KLHL32: variants seen among roughly 807,000 people sequenced by gnomAD.
The protein encoded by KLHL32 is kelch like family member 32, also known as kelch-like protein 32.
KLHL32 carries 35 observed loss-of-function variants against 64.8 expected under a neutral mutation model. The ratio of observed to expected loss-of-function variants is 0.54; its 90% CI spans 0.41 to 0.72. The LOEUF (loss-of-function observed/expected upper bound fraction) is 0.72, where lower values mean the gene tolerates loss of function less well. Ranked by LOEUF, KLHL32 falls within the 30% of genes least tolerant of loss-of-function variation. The probability of loss-of-function intolerance (pLI) is 0.00; values close to 1 mark genes in which losing one functional copy is unlikely to be tolerated. For missense variants in KLHL32, 589 were observed against 768.5 expected (o/e 0.77, Z 2.76); for synonymous variants, 259 against 281.0 (o/e 0.92, Z 0.78).
intron 4 of KLHL32, among the ~76,000 whole-genome samples, chr6:97,053,196 C>G (rs916124999): frequency 3.3e-5 from 5 of 151,944 alleles, no homozygotes; most frequent in Admixed American, 6.6e-5. Context: ...TGTATTGATG[C>G]CTCAGATCCT....
chr6:96,905,824 G>A, the KLHL32 span, among the ~76,000 whole-genome samples: 1 of 152,076 alleles, frequency 6.6e-6, no homozygotes, highest in Non-Finnish European at 1.5e-5. Flanking sequence ...ACACATTATT[G>A]CAATACTCTG....
At chr6:96,919,832 C>T (rs1003236681), upstream of KLHL32, among the ~76,000 whole-genome samples, 1 of 152,218 alleles carries the variant, frequency 6.6e-6, no homozygotes, top group African/African-American at 2.4e-5. Context: ...ATATTTCTAG[C>T]TATAACTGAT....
chr6:97,136,721 C>T (rs978300411), intron 10 of KLHL32, among the ~76,000 whole-genome samples: 7 of 152,222 alleles, frequency 4.6e-5, no homozygotes, highest in South Asian at 4.1e-4. Context: ...CTCTCCCAAA[C>T]GCCTTCTTTC....
In KLHL32 at chr6:97,085,204, A is replaced by G. The variant is rs1257091683; in HGVS notation, c.490A>G (p.Ile164Val). Residue 164 changes from isoleucine to valine, a missense_variant, in exon 6 of 11, where the codon ATC becomes GTC. Physicochemically the swap from Ile to Val is conservative, Grantham distance 29. Around this residue, in one of 3 missense-constraint regions of KLHL32, gnomAD observed 191 missense variants for 223.3 expected, o/e 0.86. Coordinates refer to ENST00000369261, the MANE Select transcript of KLHL32 (RefSeq NM_052904.4). ...CCTCACTTTGTTGGAGAAGGCAGTG[A>G]TCGATTTCTTAGTGAAACATCTCTC... ...FNLTLLEKAV[I>V]DFLVKHLSEL... is the part of the protein sequence containing the mutation. 1.2e-6 allele frequency: 2 copies of G among 1,614,036 alleles called. No homozygotes were observed. The highest frequency in any genetic ancestry group is 1.7e-6 in the Non-Finnish European group (2 of 1,180,014).
chr6:97,085,076 C>T (rs1415163156), intron 5 of KLHL32, 50 bp from the exon 6 acceptor site: 11 of 1,529,036 alleles, frequency 7.2e-6, no homozygotes, highest in African/African-American at 2.7e-5. Context: ...TGCTCTTTCT[C>T]GGATTTATTT....
chr6:97,054,304 A>G (rs1029634775), intron 4 of KLHL32, among the ~76,000 whole-genome samples: 2 of 152,338 alleles, frequency 1.3e-5, no homozygotes, highest in East Asian at 1.9e-4. Context: ...TGTATACTTC[A>G]TAAAAACCAT....
chr6:96,965,696 A>G (rs945988099), intron 1 of KLHL32, among the ~76,000 whole-genome samples: 3 of 152,194 alleles, frequency 2.0e-5, no homozygotes, highest in Non-Finnish European at 4.4e-5. Flanking sequence ...CTGTAGCAAC[A>G]TTAGGTTGCT....
At chr6:96,909,712 T>G in the KLHL32 span, among the ~76,000 whole-genome samples, 1 of 152,152 alleles carries the variant, frequency 6.6e-6, no homozygotes, top group South Asian at 2.1e-4. Flanking sequence ...TTATTTCCAG[T>G]CCAACATTTG....
At chr6:96,983,613 G>A (rs563909087) in intron 3 of KLHL32, among the ~76,000 whole-genome samples, 1 of 152,360 alleles carries the variant, frequency 6.6e-6, no homozygotes, top group East Asian at 1.9e-4. Context: ...GTCTTGGGAG[G>A]GTGTATGTGT....
At chr6:96,930,741 A>G (rs1411530786) in intron 1 of KLHL32, among the ~76,000 whole-genome samples, 1 of 152,034 alleles carries the variant, frequency 6.6e-6, no homozygotes, top group Admixed American at 6.6e-5. Flanking sequence ...AGAGGGATGC[A>G]TAGCTTGGAC....
chr6:97,023,696 C>G (rs1353830854), intron 3 of KLHL32, among the ~76,000 whole-genome samples: 1 of 152,222 alleles, frequency 6.6e-6, no homozygotes, highest in Non-Finnish European at 1.5e-5. Context: ...AGGCTTTTCA[C>G]TGTTTTCTCA....
rs200346147 is a variant in KLHL32 at position 97,043,977 on chromosome 6, G to GT, written c.312+2379dup. ...GCTTTAACTATTCGAGTTCTCAGTT[G>GT]TATTTTTTTTTTCTTGTCTAATTTC... On this transcript the variant is annotated intron_variant, in intron 4 of 10. Coordinates refer to ENST00000369261, the MANE Select transcript of KLHL32 (RefSeq NM_052904.4). Among the ~76,000 whole-genome samples, 230 of 151,596 alleles carry GT rather than the reference G, an allele frequency of 1.5e-3. 1 individual carries two copies. The East Asian group carries it at 0.038, about 25-fold the overall frequency.
At chr6:96,993,715 A>G (rs1345893879) in intron 3 of KLHL32, among the ~76,000 whole-genome samples, 2 of 152,204 alleles carry the variant, frequency 1.3e-5, no homozygotes, top group African/African-American at 4.8e-5. Context: ...GGTAGAAGAC[A>G]TAAGACTCCT....
chr6:96,910,887 G>T, the KLHL32 span, among the ~76,000 whole-genome samples: 1 of 152,036 alleles, frequency 6.6e-6, no homozygotes, highest in Non-Finnish European at 1.5e-5. Context: ...ATAATTAATT[G>T]CCAATTTTAT....
At chr6:97,000,938 T>G (rs1000547547) in intron 3 of KLHL32, among the ~76,000 whole-genome samples, 15 of 152,312 alleles carry the variant, frequency 9.8e-5, no homozygotes, top group South Asian at 2.1e-4. Context: ...CTAAAAAGAC[T>G]ATCTATTCTA....
At chr6:97,086,274 CA>C (rs1259730580) in intron 6 of KLHL32, among the ~76,000 whole-genome samples, 1 of 152,164 alleles carries the variant, frequency 6.6e-6, no homozygotes, top group African/African-American at 2.4e-5. Flanking sequence ...TAATTCTGGC[CA>C]AAATTGTCAT....
chr6:96,990,085 C>T (rs1024418679), intron 3 of KLHL32, among the ~76,000 whole-genome samples: 3 of 152,190 alleles, frequency 2.0e-5, no homozygotes, highest in African/African-American at 7.2e-5. Flanking sequence ...AATTCTCTGT[C>T]TGTCATTTCA....
rs966263392 is a variant in KLHL32 at position 97,020,639 on chromosome 6, A to G, written c.205-20853A>G. Among the ~76,000 whole-genome samples, 3 of 151,016 alleles carry G rather than the reference A, an allele frequency of 2.0e-5. 1 individual carries two copies. The highest frequency in any genetic ancestry group is 2.0e-4 in the Admixed American group (3 of 15,264). On this transcript the variant is annotated intron_variant, in intron 3 of 10. Coordinates refer to ENST00000369261, the MANE Select transcript of KLHL32 (RefSeq NM_052904.4). ...ATAAGACTAGCATAATGAGAACCAT[A>G]TCTCAATATAGATACAAAAATTATA...
chr6:97,063,060 C>G (rs1789164644), intron 4 of KLHL32, among the ~76,000 whole-genome samples: 1 of 152,102 alleles, frequency 6.6e-6, no homozygotes, highest in South Asian at 2.1e-4. Flanking sequence ...GATGGAAAGT[C>G]TTCAGAAAGT....
Sources: gnomAD v4.1 joint callset for allele counts (sites outside exome capture counted in the v4.1 genomes callset) on GRCh38, gnomAD v4.1.1 for gene constraint, gnomAD v4.1.1 regional missense constraint, MANE v1.5 for transcripts, NCBI Gene and HGNC (gene_info 2026-07-23, HGNC 2026-07-21) for gene names.